EFCAB7: variants seen among roughly 807,000 people sequenced by gnomAD.
EFCAB7 encodes EF-hand calcium-binding domain-containing protein 7.
A neutral mutation model predicts 77.1 loss-of-function variants in EFCAB7; 66 were observed. The observed-to-expected ratio is 0.86, with a 90% CI of 0.70 to 1.05. The LOEUF is 1.05. Among genes scored for constraint, EFCAB7 ranks in the 50% least tolerant of loss-of-function variants. The pLI, the probability that EFCAB7 is intolerant of heterozygous loss-of-function variation, is 0.00. For synonymous variants in EFCAB7, 225 were observed against 243.3 expected, an observed-to-expected ratio of 0.92 and a Z score of 0.70; for missense variants, 638 against 730.5, an observed-to-expected ratio of 0.87 and a Z score of 1.46.
chr1:63,545,063 C>T (rs1171719935), intron 6 of EFCAB7, among the ~76,000 whole-genome samples: 1 of 151,114 alleles, frequency 6.6e-6, no homozygotes, highest in Non-Finnish European at 1.5e-5. Context: ...GAATTACATG[C>T]ACTCATCATC....
chr1:63,538,881 TCTGTATATTACA>T (rs1646795757), intron 6 of EFCAB7, among the ~76,000 whole-genome samples: 2 of 152,242 alleles, frequency 1.3e-5, no homozygotes. Context: ...TTCAAATTGA[TCTGTATATTACA>T]CTGAAGTTTG....
chr1:63,549,402 T>C (rs1340628810), intron 7 of EFCAB7: 1 of 469,526 alleles, frequency 2.1e-6, no homozygotes, highest in East Asian at 6.9e-5. Context: ...GCCAAAGAGT[T>C]CCAATATTGA....
intron 11 of EFCAB7, 131 bp from the exon 12 acceptor site, chr1:63,568,178 TA>T: frequency 2.8e-6 from 2 of 725,976 alleles, no homozygotes; most frequent in Non-Finnish European, 4.2e-6. Flanking sequence ...TTCATAGTAC[TA>T]AAATTTTCCT....
At chr1:63,585,246 A>G in the EFCAB7 span, among the ~76,000 whole-genome samples, 1 of 151,582 alleles carries the variant, frequency 6.6e-6, no homozygotes, top group Non-Finnish European at 1.5e-5. Context: ...GTAGTTTTTG[A>G]GCATTTGGTC....
chr1:63,563,312 A>G (rs1325443648), intron 11 of EFCAB7, among the ~76,000 whole-genome samples: 2 of 152,246 alleles, frequency 1.3e-5, no homozygotes, highest in Non-Finnish European at 2.9e-5. Flanking sequence ...AAAAAAATAC[A>G]GTATACATTG....
In EFCAB7 at chr1:63,557,324, T is replaced by A. The variant is rs1457690616; in HGVS notation, c.1348+77T>A. ...CTTTTCATCTCTAAGAAATGAGAAG[T>A]CAAACTTCTGCATGAAATATTATTA... On this transcript the variant is annotated intron_variant, in intron 10 of 13. Transcript: ENST00000371088. 4.5e-6 allele frequency: 6 copies of A among 1,332,912 alleles called. No individual in the cohort carries two copies. In the African/African-American group the frequency reaches 6.1e-5, roughly 14 times the overall value. 82.6% of individuals were successfully genotyped at this position (1,332,912 alleles called of 1,614,324 possible).
chr1:63,579,605 T>C, the EFCAB7 span, among the ~76,000 whole-genome samples: 44 of 152,244 alleles, frequency 2.9e-4, no homozygotes, highest in Admixed American at 1.3e-3. Flanking sequence ...TATGTTTGAC[T>C]TTTTAAGAAA....
chr1:63,548,999 G>A (rs1646932921), intron 7 of EFCAB7: 1 of 177,674 alleles, frequency 5.6e-6, no homozygotes, highest in Non-Finnish European at 1.2e-5. Context: ...CATCAATCTA[G>A]CGGAAGAGAC....
intron 7 of EFCAB7, chr1:63,549,293 T>A: frequency 2.1e-6 from 1 of 466,824 alleles, no homozygotes; most frequent in Admixed American, 2.4e-5. Context: ...AATTCTTACC[T>A]TTCTTACCTA....
rs527859757 is a variant in EFCAB7 at position 63,532,612 on chromosome 1, A to G, written c.400-58A>G. On this transcript the variant is annotated intron_variant, in intron 3 of 13. Transcript: ENST00000371088. ...ATTAAAATGTGCTTCCACTGTCCCCATGAATAACAAAGGAGTAATCATGTT... is the reference window on the plus strand; with the variant it reads ...ATTAAAATGTGCTTCCACTGTCCCCGTGAATAACAAAGGAGTAATCATGTT... 8 of 1,374,190 alleles carry G rather than the reference A, an allele frequency of 5.8e-6. No homozygotes were observed. The African/African-American group carries it at 5.9e-5, about 10-fold the overall frequency. 85.1% of individuals were successfully genotyped at this position (1,374,190 alleles called of 1,614,324 possible).
At chr1:63,565,258 C>A (rs1647156294) in intron 11 of EFCAB7, among the ~76,000 whole-genome samples, 4 of 151,878 alleles carry the variant, frequency 2.6e-5, no homozygotes. Context: ...ACTCGGGAGG[C>A]TGAGGCAGGA....
chr1:63,562,479 A>G (rs1479414400), intron 11 of EFCAB7, among the ~76,000 whole-genome samples: 3 of 82,926 alleles, frequency 3.6e-5, no homozygotes, highest in South Asian at 6.9e-4. Flanking sequence ...ATATATATAT[A>G]TATATATATA....
intron 13 of EFCAB7, 90 bp downstream of exon 13, chr1:63,571,218 A>G: frequency 1.3e-6 from 1 of 786,266 alleles, no homozygotes; most frequent in South Asian, 1.7e-5. Context: ...TAAATATAAA[A>G]TGGAGTGGAA....
chr1:63,571,173 G>A (rs1162418413), intron 13 of EFCAB7, 45 bp downstream of exon 13: 2 of 1,414,192 alleles, frequency 1.4e-6, no homozygotes, highest in Non-Finnish European at 2.0e-6. Context: ...TTATGTCTTT[G>A]AAAAAAATTT....
At chr1:63,529,639 G>T (rs76055754) in intron 2 of EFCAB7, 52,937 of 151,200 alleles carry the variant, frequency 0.35, 9,388 homozygotes, top group East Asian at 0.48. Context: ...CTTGAACCCG[G>T]GAGGCAGAGG....
intron 11 of EFCAB7, among the ~76,000 whole-genome samples, chr1:63,567,524 G>C (rs922922496): frequency 3.3e-5 from 5 of 152,150 alleles, no homozygotes; most frequent in Non-Finnish European, 1.5e-5. Flanking sequence ...AGAGAACAGT[G>C]GGGGAGTGAG....
intron 6 of EFCAB7, among the ~76,000 whole-genome samples, chr1:63,537,805 C>G (rs759628239): frequency 6.6e-6 from 1 of 152,090 alleles, no homozygotes; most frequent in Non-Finnish European, 1.5e-5. Flanking sequence ...TTATAAAAAG[C>G]AGTAGTGATG....
At position 63,561,696 on chromosome 1, in the gene EFCAB7, G is replaced by C. The variant is rs756042450; in HGVS notation, c.1349-13G>C. ...TAAATTATGTAAGAAAAAACTTTTGGTTGTTTAAACAGAGAATTTTGATAC... is the reference window on the plus strand; with the variant it reads ...TAAATTATGTAAGAAAAAACTTTTGCTTGTTTAAACAGAGAATTTTGATAC... On this transcript the variant is annotated splice_polypyrimidine_tract_variant and intron_variant, in intron 10 of 13. Transcript: ENST00000371088. 6.5e-7 allele frequency: 1 copy of C among 1,550,134 alleles called. No individual in the cohort carries two copies. Among genetic ancestry groups the C allele is most frequent in the East Asian group, 2.3e-5 (1 of 43,582 alleles).
At chr1:63,556,948 G>A (rs1467480191) in intron 9 of EFCAB7, among the ~76,000 whole-genome samples, 166 bp from the exon 10 acceptor site, 1 of 150,192 alleles carries the variant, frequency 6.7e-6, no homozygotes, top group African/African-American at 2.5e-5. Context: ...TGAGGCAGGA[G>A]AATGGCGTGA....
Sources: gnomAD v4.1 joint callset for allele counts (sites outside exome capture counted in the v4.1 genomes callset) on GRCh38, gnomAD v4.1.1 for gene constraint, MANE v1.5 for transcripts, NCBI Gene and HGNC (gene_info 2026-07-23, HGNC 2026-07-21) for gene names.